Variants in SNX24 observed in about 807,000 individuals in gnomAD.
SNX24 encodes sorting nexin-24.
SNX24 carries 22 observed loss-of-function variants against 28.7 expected under a neutral mutation model. The observed-to-expected ratio is 0.77, with a 90% CI of 0.55 to 1.10. SNX24 has a LOEUF of 1.10. Ranked by LOEUF, SNX24 falls within the 50% of genes least tolerant of loss-of-function variation. SNX24 has a pLI of 0.00. For missense variants in SNX24, 221 were observed against 201.1 expected (o/e 1.10, Z -0.60); for synonymous variants, 69 against 71.5 (o/e 0.96, Z 0.18).
At chr5:122,979,229 G>A (rs1452384342) in intron 3 of SNX24, among the ~76,000 whole-genome samples, 1 of 152,174 alleles carries the variant, frequency 6.6e-6, no homozygotes, top group Non-Finnish European at 1.5e-5. Flanking sequence ...TGATCAAAGT[G>A]GTAAATGAGC....
intron 1 of SNX24, among the ~76,000 whole-genome samples, chr5:122,925,157 TCCCCTCCCATC>T (rs1263094110): frequency 1.9e-5 from 1 of 51,720 alleles, no homozygotes; most frequent in African/African-American, 8.1e-5. Context: ...GCCCCTCCCA[TCCCCTCCCATC>T]CCCCTCCCAT....
At chr5:122,845,865 G>C (rs1253561422) in intron 1 of SNX24, among the ~76,000 whole-genome samples, 172 bp downstream of exon 1, 2 of 151,936 alleles carry the variant, frequency 1.3e-5, no homozygotes, top group Non-Finnish European at 2.9e-5. Flanking sequence ...AAGGAAACGG[G>C]CGCCCCTCCC....
chr5:122,935,085 A>T (rs1397980066), intron 1 of SNX24, among the ~76,000 whole-genome samples: 1 of 152,196 alleles, frequency 6.6e-6, no homozygotes, highest in South Asian at 2.1e-4. Flanking sequence ...GTAATGTGCC[A>T]GTTAAGGTGG....
At chr5:122,992,570 C>A (rs1471761770) in intron 3 of SNX24, among the ~76,000 whole-genome samples, 1 of 152,184 alleles carries the variant, frequency 6.6e-6, no homozygotes, top group Admixed American at 6.5e-5. Flanking sequence ...ATTCAACTCC[C>A]AGCTCAAGGG....
intron 1 of SNX24, among the ~76,000 whole-genome samples, chr5:122,857,897 C>G (rs1350110453): frequency 6.6e-6 from 1 of 152,174 alleles, no homozygotes; most frequent in Non-Finnish European, 1.5e-5. Flanking sequence ...ATTCTCCTGC[C>G]TCAGCCTCCT....
intron 1 of SNX24, among the ~76,000 whole-genome samples, chr5:122,885,444 CA>C (rs1277906913): frequency 6.6e-6 from 1 of 152,158 alleles, no homozygotes; most frequent in Non-Finnish European, 1.5e-5. Context: ...ACTTTTGTAT[CA>C]TCTTCTTTTG....
intron 1 of SNX24, among the ~76,000 whole-genome samples, chr5:122,846,165 G>A (rs1754624732): frequency 6.6e-6 from 1 of 151,770 alleles, no homozygotes; most frequent in East Asian, 1.9e-4. Flanking sequence ...CTAAACACGT[G>A]TATTGATTTT....
At chr5:123,022,004 G>A (rs970822164) in intron 5 of SNX24, among the ~76,000 whole-genome samples, 1 of 152,054 alleles carries the variant, frequency 6.6e-6, no homozygotes, top group Non-Finnish European at 1.5e-5. Context: ...CCACTCCGAC[G>A]ATGCTTCTCT....
At chr5:123,005,744 A>G (rs554304973) in intron 6 of SNX24, among the ~76,000 whole-genome samples, 45 of 152,336 alleles carry the variant, frequency 3.0e-4, no homozygotes, top group African/African-American at 1.1e-3. Context: ...ATTGATTTTA[A>G]TATCCTTCTA....
At chr5:122,971,120 C>T (rs1760940942) in intron 3 of SNX24, among the ~76,000 whole-genome samples, 1 of 152,148 alleles carries the variant, frequency 6.6e-6, no homozygotes, top group African/African-American at 2.4e-5. Context: ...AGTCTCTGGC[C>T]AAAGGCCTGA....
downstream of SNX24, among the ~76,000 whole-genome samples, chr5:123,010,032 G>A (rs407230): frequency 0.19 from 29,573 of 152,132 alleles, 3,664 homozygotes; most frequent in Non-Finnish European, 0.29. Context: ...TATGAGGTGC[G>A]GCCTCATAGC....
At chr5:123,028,877 A>T (rs1762901977) in intron 5 of SNX24, 1 of 1,583,990 alleles carries the variant, frequency 6.3e-7, no homozygotes, top group Non-Finnish European at 8.7e-7. Context: ...TTCTAAAGAG[A>T]TTACTTCAGT....
intron 5 of SNX24, 97 bp from the exon 6 acceptor site, chr5:123,001,843 C>T: frequency 1.0e-6 from 1 of 978,538 alleles, no homozygotes; most frequent in Non-Finnish European, 1.6e-6. Flanking sequence ...CTTGAGACGT[C>T]CCCGCACAGC....
chr5:122,904,429 G>A (rs919662016), intron 1 of SNX24, among the ~76,000 whole-genome samples: 1 of 151,884 alleles, frequency 6.6e-6, no homozygotes, highest in Non-Finnish European at 1.5e-5. Flanking sequence ...GTGATCCGCC[G>A]GCCTCTGCCT....
chr5:122,969,754 G>A (rs1264485768), intron 3 of SNX24, among the ~76,000 whole-genome samples: 1 of 152,112 alleles, frequency 6.6e-6, no homozygotes, highest in Non-Finnish European at 1.5e-5. Context: ...CACGATAGGA[G>A]ACTAATCCTG....
chr5:123,003,833 C>T (rs866502622), intron 6 of SNX24, among the ~76,000 whole-genome samples: 4 of 152,132 alleles, frequency 2.6e-5, no homozygotes, highest in South Asian at 2.1e-4. Flanking sequence ...AAGGGAACTC[C>T]TGTTTGAGAA....
intron 3 of SNX24, among the ~76,000 whole-genome samples, chr5:122,978,074 C>G (rs1391422969): frequency 6.6e-6 from 1 of 151,880 alleles, no homozygotes; most frequent in African/African-American, 2.4e-5. Context: ...ATTTTCTTTT[C>G]TCCTATATAA....
At chr5:122,961,200 G>A (rs1213663598) in intron 3 of SNX24, among the ~76,000 whole-genome samples, 1 of 152,198 alleles carries the variant, frequency 6.6e-6, no homozygotes, top group Admixed American at 6.5e-5. Context: ...CAGCAGGGAA[G>A]CCCCATGCTG....
At chr5:122,866,367 T>A (rs1382788128) in intron 1 of SNX24, among the ~76,000 whole-genome samples, 1 of 152,214 alleles carries the variant, frequency 6.6e-6, no homozygotes, top group African/African-American at 2.4e-5. Context: ...CAGGCTGGTC[T>A]GGAGCTCCTG....
Sources: gnomAD v4.1 joint callset for allele counts (sites outside exome capture counted in the v4.1 genomes callset) on GRCh38, gnomAD v4.1.1 for gene constraint, MANE v1.5 for transcripts, NCBI Gene and HGNC (gene_info 2026-07-23, HGNC 2026-07-21) for gene names.